The following PCDHGB2 variants were observed in gnomAD, a reference collection of about 807,000 sequenced individuals.
The protein encoded by PCDHGB2 is protocadherin gamma-B2.
PCDHGB2 carries 55 observed loss-of-function variants against 59.3 expected under a neutral mutation model. That is an observed-to-expected ratio of 0.93 (90% confidence interval 0.75 to 1.16). The LOEUF is 1.16. PCDHGB2 is among the 50% of genes most tolerant of loss of function. The pLI is 0.00. For synonymous variants in PCDHGB2, 516 were observed against 512.0 expected (o/e 1.01, Z -0.11); for missense variants, 1,228 against 1,198.5 (o/e 1.02, Z -0.36).
chr5:141,414,900 T>C (rs1402776790), intron 1 of PCDHGB2: 5 of 1,614,170 alleles, frequency 3.1e-6, no homozygotes, highest in Middle Eastern at 1.6e-4. Flanking sequence ...CCACAGACGG[T>C]TCCACAGGCG....
intron 1 of PCDHGB2, chr5:141,398,702 C>G: frequency 6.2e-7 from 1 of 1,613,832 alleles, no homozygotes; most frequent in Non-Finnish European, 8.5e-7. Flanking sequence ...AGTAAATACC[C>G]GGAACTGGCA....
chr5:141,493,560 C>T lies in PCDHGB2; in HGVS notation c.2422-1247C>T, dbSNP rs1222578153. ...TTATCCTTTTGGAGATTGAGTTCCCCCAGCTCCGTTTCCTCCTATCACAAT... is the reference window on the plus strand; with the variant it reads ...TTATCCTTTTGGAGATTGAGTTCCCTCAGCTCCGTTTCCTCCTATCACAAT... On this transcript the variant is annotated intron_variant, in intron 1 of 3. Transcript: ENST00000522605. The surrounding 1 kb of genome is among the most constrained non-coding windows in gnomAD (Gnocchi z 4.3). Among the ~76,000 whole-genome samples, 4 of 152,162 alleles carry T rather than the reference C, an allele frequency of 2.6e-5. No individual in the cohort carries two copies. The highest frequency in any genetic ancestry group is 2.1e-4 in the South Asian group (1 of 4,830).
At chr5:141,412,163 T>G (rs1005929326) in intron 1 of PCDHGB2, 13 of 152,240 alleles carry the variant, frequency 8.5e-5, no homozygotes, top group African/African-American at 2.9e-4. Flanking sequence ...GAGAAGAGAT[T>G]ATTTATACTG....
At chr5:141,388,513 TGA>T in intron 1 of PCDHGB2, 2 of 1,613,840 alleles carry the variant, frequency 1.2e-6, no homozygotes, top group African/African-American at 2.7e-5. Flanking sequence ...TCCTACCACT[TGA>T]CTTTGACTGC....
intron 1 of PCDHGB2, chr5:141,370,755 G>C: frequency 6.2e-7 from 1 of 1,613,972 alleles, no homozygotes; most frequent in South Asian, 1.1e-5. Flanking sequence ...TCATGTAACT[G>C]TGCTGATCCA....
Position 141,360,051 on chromosome 5 carries a change from G to A in PCDHGB2, c.-85G>A, listed in dbSNP as rs1443200374. On this transcript the variant is annotated 5_prime_UTR_variant, in exon 1 of 4. Coordinates refer to ENST00000522605, the MANE Select transcript of PCDHGB2 (RefSeq NM_018923.3). ...ATAGATTCGGAAACAGAAAACAAAA[G>A]CAGGAAAAGTGACCTTAGCCCGGAT... 2.1e-6 allele frequency: 3 copies of A among 1,435,510 alleles called. No individual in the cohort carries two copies. Among genetic ancestry groups the A allele is most frequent in the Admixed American group, 5.6e-5 (2 of 35,742 alleles). The allele number at this position is 1,435,510 out of a possible 1,614,324, so 88.9% of individuals were successfully genotyped here.
At chr5:141,482,611 G>T (rs1016481108) in intron 1 of PCDHGB2, among the ~76,000 whole-genome samples, 1 of 150,398 alleles carries the variant, frequency 6.6e-6, no homozygotes, top group Admixed American at 6.6e-5. Context: ...ACACCTAAAT[G>T]AGCCTGGAGA....
rs866649962 is a variant in PCDHGB2 at position 141,482,106 on chromosome 5, T to A, written c.2422-12701T>A. Reference sequence around the variant, plus strand: ...CTCCATCTCAAAAAAAAAAAAAAAATATCTAGAGATGGGAGAATCATATGG... The same window carrying A: ...CTCCATCTCAAAAAAAAAAAAAAAAAATCTAGAGATGGGAGAATCATATGG... On this transcript the variant is annotated intron_variant, in intron 1 of 3. Transcript: ENST00000522605. 2.5e-3 allele frequency among the ~76,000 whole-genome samples: 342 copies of A among 138,882 alleles called. 1 individual carries two copies. Among genetic ancestry groups the A allele is most frequent in the Middle Eastern group, 0.011 (3 of 272 alleles). 91.1% of individuals were successfully genotyped at this position (138,882 alleles called of 152,430 possible). A position where few individuals can be genotyped will look rare whatever the true frequency, so the allele number is the denominator to read the frequency against.
rs949391796 is a variant in PCDHGB2 at position 141,493,050 on chromosome 5, A to G, written c.2422-1757A>G. 6.6e-6 allele frequency among the ~76,000 whole-genome samples: 1 copy of G among 152,262 alleles called. No homozygotes were observed. The highest frequency in any genetic ancestry group is 2.4e-5 in the African/African-American group (1 of 41,464). On this transcript the variant is annotated intron_variant, in intron 1 of 3. Coordinates refer to ENST00000522605, the MANE Select transcript of PCDHGB2 (RefSeq NM_018923.3). The surrounding 1 kb of genome is among the most constrained non-coding windows in gnomAD (Gnocchi z 4.3). Reference sequence around the variant, plus strand: ...CCCTTATGTGTGAGGAAACTACAATAGTAAAAAACACAAGTTTCTCCAACT... The same window carrying G: ...CCCTTATGTGTGAGGAAACTACAATGGTAAAAAACACAAGTTTCTCCAACT...
Position 141,490,911 on chromosome 5 carries a change from G to C in PCDHGB2, c.2422-3896G>C. On this transcript the variant is annotated intron_variant, in intron 1 of 3. Coordinates refer to ENST00000522605, the MANE Select transcript of PCDHGB2 (RefSeq NM_018923.3). The surrounding 1 kb of genome is among the most constrained non-coding windows in gnomAD (Gnocchi z 5.4). ...CTCTGCATGTGTTTGTCCTAGACGA[G>C]AATGATAATGCCCCAGCTGTGCTGC... is the stretch of plus-strand genomic sequence containing the variant. The C allele has an allele frequency of 6.2e-7, 1 of 1,613,722 alleles. No homozygotes were observed. Among genetic ancestry groups the C allele is most frequent in the East Asian group, 2.2e-5 (1 of 44,870 alleles).
At chr5:141,372,265 G>T (rs1317887998) in intron 1 of PCDHGB2, 2 of 1,613,014 alleles carry the variant, frequency 1.2e-6, no homozygotes, top group Non-Finnish European at 1.7e-6. Flanking sequence ...CTGCGCACGG[G>T]TGAGGTGCGC....
At chr5:141,463,629 GTT>G (rs923584581) in intron 1 of PCDHGB2, among the ~76,000 whole-genome samples, 5 of 151,314 alleles carry the variant, frequency 3.3e-5, no homozygotes, top group Middle Eastern at 3.4e-3. Flanking sequence ...TTTGTATTTT[GTT>G]TAGTAGAGAC....
intron 1 of PCDHGB2, chr5:141,366,767 C>T (rs1286412324): frequency 5.0e-6 from 8 of 1,601,956 alleles, no homozygotes; most frequent in East Asian, 4.5e-5. Flanking sequence ...TTTTCTCTTT[C>T]GGTAAGGATG....
chr5:141,419,316 G>C (rs775328616), intron 1 of PCDHGB2: 2 of 1,613,876 alleles, frequency 1.2e-6, no homozygotes, highest in African/African-American at 1.3e-5. Flanking sequence ...CTCAACGGCC[G>C]TGTCTCCTAC....
rs1761713863 is a variant in PCDHGB2 at position 141,360,714 on chromosome 5, G to A, written c.579G>A (p.Glu193=). ...KQTPDGRKYP[E]LILKHSLDRE... is the part of the protein sequence containing the mutation. ...CTCCAGATGGTCGTAAATATCCTGA[G>A]TTGATTCTAAAACACTCTCTGGACA... The change falls in exon 1 of 4, where the codon GAG becomes GAA. Residue 193 remains glutamate (E), a synonymous_variant. Transcript: ENST00000522605. 6.2e-7 allele frequency: 1 copy of A among 1,613,956 alleles called. No individual in the cohort carries two copies. Among genetic ancestry groups the A allele is most frequent in the Non-Finnish European group, 8.5e-7 (1 of 1,179,900 alleles).
chr5:141,432,864 G>A lies in PCDHGB2; in HGVS notation c.2422-61943G>A. On this transcript the variant is annotated intron_variant, in intron 1 of 3. Coordinates refer to ENST00000522605, the MANE Select transcript of PCDHGB2 (RefSeq NM_018923.3). The surrounding 1 kb of genome is among the most constrained non-coding windows in gnomAD (Gnocchi z 6.0). ...GTGGTAGCGGTGGCCGCGGTCTCCT[G>A]CGTCTTCCTGGCCTTCGTCATCTTG... 6.2e-7 allele frequency: 1 copy of A among 1,614,168 alleles called. No individual in the cohort carries two copies. Among genetic ancestry groups the A allele is most frequent in the South Asian group, 1.1e-5 (1 of 91,084 alleles).
At chr5:141,401,626 C>G (rs1476531463) in intron 1 of PCDHGB2, among the ~76,000 whole-genome samples, 1 of 152,174 alleles carries the variant, frequency 6.6e-6, no homozygotes, top group Non-Finnish European at 1.5e-5. Flanking sequence ...TTTGTCTTAT[C>G]GTTTGGAGCT....
chr5:141,371,193 A>T, intron 1 of PCDHGB2: 1 of 1,614,034 alleles, frequency 6.2e-7, no homozygotes. Flanking sequence ...AGTGATGGCC[A>T]TTGACATGGA....
chr5:141,374,643 A>G (rs1283839211), intron 1 of PCDHGB2: 1 of 1,612,916 alleles, frequency 6.2e-7, no homozygotes, highest in Admixed American at 1.7e-5. Flanking sequence ...AGCGAAGCCC[A>G]TGGGCCCAAG....
Sources: allele counts gnomAD v4.1 joint callset (sites outside exome capture counted in the v4.1 genomes callset), GRCh38; gene constraint gnomAD v4.1.1; non-coding constraint Gnocchi (gnomAD v3.1); transcripts MANE v1.5; gene names NCBI Gene and HGNC (gene_info 2026-07-23, HGNC 2026-07-21).